TENM3: variants seen among roughly 807,000 people sequenced by gnomAD.
The protein encoded by TENM3 is teneurin transmembrane protein 3, also known as teneurin-3.
In TENM3, 63 loss-of-function variants were observed where a neutral mutation model predicts 255.1. The observed-to-expected ratio is 0.25, with a 90% CI of 0.20 to 0.30. The LOEUF is 0.30. Among genes scored for constraint, TENM3 ranks in the 10% least tolerant of loss-of-function variants. TENM3 has a pLI of 1.00. For missense variants in TENM3, 2,929 were observed against 3,461.1 expected, an observed-to-expected ratio of 0.85 and a Z score of 3.86; for synonymous variants, 1,306 against 1,322.3, an observed-to-expected ratio of 0.99 and a Z score of 0.27.
At chr4:182,113,121 G>A in the TENM3 span, among the ~76,000 whole-genome samples, 1 of 152,136 alleles carries the variant, frequency 6.6e-6, no homozygotes, top group African/African-American at 2.4e-5. Flanking sequence ...TGATTAAATG[G>A]TTTGCAAAAT....
At chr4:181,625,832 TAAC>T in the TENM3 span, among the ~76,000 whole-genome samples, 9,462 of 149,956 alleles carry the variant, frequency 0.063, 390 homozygotes, top group East Asian at 0.14. Flanking sequence ...ATAATAATAA[TAAC>T]AATAATAATA....
intron 3 of TENM3, among the ~76,000 whole-genome samples, chr4:182,559,127 ATTTT>A (rs70956518): frequency 1.9e-5 from 2 of 107,474 alleles, no homozygotes; most frequent in Admixed American, 2.1e-4. Context: ...ATTCCTCGGG[ATTTT>A]TTTTTTTTTT....
chr4:182,110,213 C>T, the TENM3 span, among the ~76,000 whole-genome samples: 159 of 152,208 alleles, frequency 1.0e-3, no homozygotes, highest in African/African-American at 3.5e-3. Context: ...GCCTTGTCTA[C>T]GGTTGCCTTC....
Position 182,733,513 on chromosome 4 carries a change from T to G in TENM3, c.2967+2374T>G, listed in dbSNP as rs72995193. ...ATTATGGTGGCTTGGACAAAAGTCT[T>G]TGGAGGTAGAAGCAGACATGGAAGA... On this transcript the variant is annotated intron_variant, in intron 16 of 27. Coordinates refer to ENST00000511685, the MANE Select transcript of TENM3 (RefSeq NM_001080477.4). Among the ~76,000 whole-genome samples the G allele has an allele frequency of 8.5e-3, 1,299 of 152,266 alleles. 15 individuals carry two copies. Among genetic ancestry groups the G allele is most frequent in the African/African-American group, 0.029 (1,220 of 41,550 alleles).
the TENM3 span, among the ~76,000 whole-genome samples, chr4:181,512,448 C>T: frequency 1.2e-4 from 19 of 152,228 alleles, 1 homozygote; most frequent in South Asian, 1.2e-3. Flanking sequence ...GTGGAATTGA[C>T]GTATCTTTGT....
the TENM3 span, among the ~76,000 whole-genome samples, chr4:181,597,408 C>T: frequency 2.0e-5 from 3 of 152,144 alleles, no homozygotes; most frequent in African/African-American, 7.2e-5. Context: ...AGGAAAACAC[C>T]AGCGCTTCTT....
intron 5 of TENM3, among the ~76,000 whole-genome samples, chr4:182,638,029 GA>G (rs879711321): frequency 2.0e-3 from 222 of 110,772 alleles, no homozygotes; most frequent in Middle Eastern, 5.3e-3. Flanking sequence ...TGTGTTAGGG[GA>G]AAAATTTTTT....
At chr4:181,783,733 G>T in the TENM3 span, among the ~76,000 whole-genome samples, 1 of 152,138 alleles carries the variant, frequency 6.6e-6, no homozygotes, top group Non-Finnish European at 1.5e-5. Flanking sequence ...TCCCTCTGTT[G>T]TCCAGGCGAG....
At chr4:181,845,658 C>T in the TENM3 span, among the ~76,000 whole-genome samples, 1 of 152,196 alleles carries the variant, frequency 6.6e-6, no homozygotes, top group Non-Finnish European at 1.5e-5. Flanking sequence ...CTGCTTTGGT[C>T]TTTGCACCAC....
At chr4:182,175,607 G>T (rs1752434827) in intron 1 of TENM3, among the ~76,000 whole-genome samples, 3 of 152,132 alleles carry the variant, frequency 2.0e-5, no homozygotes, top group Non-Finnish European at 4.4e-5. Context: ...GACAGGTTTT[G>T]ACTGTCTTAT....
the TENM3 span, among the ~76,000 whole-genome samples, chr4:181,675,930 CA>C: frequency 5.9e-5 from 9 of 151,810 alleles, no homozygotes; most frequent in Non-Finnish European, 1.3e-4. Context: ...ATATTTTATG[CA>C]AAAAACACCT....
the TENM3 span, among the ~76,000 whole-genome samples, chr4:181,999,991 T>C: frequency 1.3e-5 from 2 of 152,118 alleles, no homozygotes; most frequent in Non-Finnish European, 2.9e-5. Flanking sequence ...CCTGTGAAAA[T>C]TTTCATCCAT....
chr4:182,496,482 G>T (rs1164873021), intron 3 of TENM3, among the ~76,000 whole-genome samples: 1 of 151,828 alleles, frequency 6.6e-6, no homozygotes, highest in Non-Finnish European at 1.5e-5. Flanking sequence ...GTGTGTCTTG[G>T]GTTAGTATTT....
At chr4:182,309,480 T>A (rs1188369031) in intron 1 of TENM3, among the ~76,000 whole-genome samples, 1 of 152,218 alleles carries the variant, frequency 6.6e-6, no homozygotes, top group African/African-American at 2.4e-5. Context: ...CCAGCATTCT[T>A]CAGTCTGGAG....
chr4:182,100,818 T>TATACAC, the TENM3 span, among the ~76,000 whole-genome samples: 4 of 12,324 alleles, frequency 3.2e-4, 2 homozygotes, highest in African/African-American at 6.0e-4. Context: ...CACATATATA[T>TATACAC]ACACATATAT....
intron 2 of TENM3, among the ~76,000 whole-genome samples, chr4:182,327,763 T>A (rs142214267): frequency 6.3e-4 from 96 of 152,318 alleles, no homozygotes; most frequent in African/African-American, 2.3e-3. Flanking sequence ...AACAATGGCT[T>A]GTTTTGCATT....
the TENM3 span, among the ~76,000 whole-genome samples, chr4:181,549,804 T>C: frequency 1.3e-5 from 2 of 152,152 alleles, no homozygotes; most frequent in African/African-American, 4.8e-5. Context: ...TTAATAGTAA[T>C]CTTATCTTGG....
At chr4:182,004,968 G>T in the TENM3 span, among the ~76,000 whole-genome samples, 1 of 152,156 alleles carries the variant, frequency 6.6e-6, no homozygotes, top group Admixed American at 6.5e-5. Flanking sequence ...CTGGTTATTA[G>T]ACCTTTGTCA....
the TENM3 span, among the ~76,000 whole-genome samples, chr4:181,897,287 A>G: frequency 2.6e-5 from 4 of 152,314 alleles, no homozygotes; most frequent in South Asian, 8.3e-4. Context: ...GCATCTTCCA[A>G]TATTCAGCCC....
Sources: gnomAD v4.1 joint callset for allele counts (sites outside exome capture counted in the v4.1 genomes callset) on GRCh38, gnomAD v4.1.1 for gene constraint, MANE v1.5 for transcripts, NCBI Gene and HGNC (gene_info 2026-07-23, HGNC 2026-07-21) for gene names.